OTOA: variants seen among roughly 807,000 people sequenced by gnomAD.
The protein encoded by OTOA is cancer/testis antigen 108.
OTOA carries 70 observed loss-of-function variants against 110.8 expected under a neutral mutation model. The ratio of observed to expected loss-of-function variants is 0.63; its 90% CI spans 0.52 to 0.77. The LOEUF (loss-of-function observed/expected upper bound fraction) is 0.77. OTOA is among the 30% of genes least tolerant of loss of function. OTOA has a pLI of 0.00. For synonymous variants in OTOA, 373 were observed against 431.5 expected (o/e 0.86, Z 1.68); for missense variants, 917 against 1,075.8 (o/e 0.85, Z 2.06).
intron 1 of OTOA, among the ~76,000 whole-genome samples, chr16:21,665,171 G>A: frequency 6.6e-6 from 1 of 152,014 alleles, no homozygotes; most frequent in South Asian, 2.1e-4. Context: ...TTATCCCTGG[G>A]GTGGCACCTG....
chr16:21,703,884 C>T (rs1898102064), intron 11 of OTOA, among the ~76,000 whole-genome samples: 1 of 152,130 alleles, frequency 6.6e-6, no homozygotes, highest in African/African-American at 2.4e-5. Context: ...CACAATCATC[C>T]TCTTTCTTTC....
intron 21 of OTOA, 45 bp downstream of exon 21, chr16:21,730,975 GGA>G: frequency 8.8e-7 from 1 of 1,137,020 alleles, no homozygotes; most frequent in Non-Finnish European, 1.3e-6. Flanking sequence ...AGTTTGAAGG[GGA>G]GAGAAAGTGT....
intron 1 of OTOA, among the ~76,000 whole-genome samples, chr16:21,673,406 T>C (rs1348408908): frequency 1.3e-5 from 2 of 152,184 alleles, no homozygotes; most frequent in African/African-American, 2.4e-5. Context: ...TCAGCTACCC[T>C]AATCAGGACC....
At position 21,705,274 on chromosome 16, in the gene OTOA, C is replaced by T. The variant is rs761277814; in HGVS notation, c.1086C>T (p.Phe362=). The T allele has an allele frequency of 2.2e-5, 36 of 1,613,884 alleles. No homozygotes were observed. Among genetic ancestry groups the T allele is most frequent in the Middle Eastern group, 1.7e-4 (1 of 5,980 alleles). The change falls in exon 12 of 29, where the codon TTC becomes TTT. Residue 362 remains phenylalanine (F), a synonymous_variant. Coordinates refer to ENST00000646100, the MANE Select transcript of OTOA (RefSeq NM_144672.4). Reference sequence around the variant, plus strand: ...TCAAGTGCAGCCACCTGAGGGGCTTCCAGGCTGGCGTCCAGAAGGTACAGC... The same window carrying T: ...TCAAGTGCAGCCACCTGAGGGGCTTTCAGGCTGGCGTCCAGAAGGTACAGC... ...QMIKCSHLRG[F]QAGVQKLKAE...
intron 13 of OTOA, 63 bp downstream of exon 13, chr16:21,710,166 C>A: frequency 1.4e-6 from 2 of 1,431,316 alleles, no homozygotes; most frequent in Non-Finnish European, 9.6e-7. Flanking sequence ...TTAGACCTGC[C>A]AGGCTGCCAT....
chr16:21,695,561 G>A (rs1897915554), intron 9 of OTOA, among the ~76,000 whole-genome samples: 1 of 151,962 alleles, frequency 6.6e-6, no homozygotes, highest in Non-Finnish European at 1.5e-5. Context: ...GATCGTAGGA[G>A]TCTGCCTGTG....
chr16:21,718,253 C>T (rs1486787681), intron 15 of OTOA, among the ~76,000 whole-genome samples: 1 of 152,148 alleles, frequency 6.6e-6, no homozygotes, highest in African/African-American at 2.4e-5. Flanking sequence ...CCAGGGCACC[C>T]AGCCAATAGT....
In OTOA at chr16:21,685,231, C is replaced by T. The variant is rs1162683061; in HGVS notation, c.269C>T (p.Ala90Val). The T allele has an allele frequency of 1.2e-6, 2 of 1,611,740 alleles. No homozygotes were observed. Among genetic ancestry groups the T allele is most frequent in the Non-Finnish European group, 1.7e-6 (2 of 1,178,654 alleles). Reference sequence around the variant, plus strand: ...ACTCTCCCAACACCCCAAATACAGGCAGCCGTGGAAAACCACCTGGAGCAG... The same window carrying T: ...ACTCTCCCAACACCCCAAATACAGGTAGCCGTGGAAAACCACCTGGAGCAG... ...NVAFTIPSLQ[A>V]AVENHLEQRL... Residue 90 changes from alanine (A) to valine (V), a missense_variant and splice_region_variant, in exon 7 of 29, where the codon GCA (alanine) becomes GTA (valine). By Grantham distance (64) the Ala-to-Val change is moderately conservative. This residue lies in a region of OTOA where 840 missense variants were observed against 910.2 expected (regional missense o/e 0.92). Coordinates refer to ENST00000646100, the MANE Select transcript of OTOA (RefSeq NM_144672.4).
intron 8 of OTOA, among the ~76,000 whole-genome samples, chr16:21,690,596 G>A (rs1050853668): frequency 3.9e-5 from 6 of 151,906 alleles, no homozygotes; most frequent in African/African-American, 1.5e-4. Flanking sequence ...GTCTATTATT[G>A]ATGGGCATTT....
chr16:21,691,621 G>A lies in OTOA; in HGVS notation c.673G>A (p.Ala225Thr), dbSNP rs763421948. 3.1e-6 allele frequency: 5 copies of A among 1,613,792 alleles called. No individual in the cohort carries two copies. The highest frequency in any genetic ancestry group is 2.7e-5 in the African/African-American group (2 of 74,864). The part of the protein sequence containing the change: ...VFKDLYDKTS[A>T]HSQRALYSWM... Reference sequence around the variant, plus strand: ...CAAAGATCTCTACGACAAAACCTCGGCTCATTCCCAGAGAGCTCTCTATTC... The same window carrying A: ...CAAAGATCTCTACGACAAAACCTCGACTCATTCCCAGAGAGCTCTCTATTC... The change falls in exon 9 of 29, where the codon GCT becomes ACT. Residue 225 changes from alanine to threonine, a missense_variant. Physicochemically the swap from Ala to Thr is moderately conservative, Grantham distance 58. Around this residue, in one of 6 missense-constraint regions of OTOA, gnomAD observed 840 missense variants for 910.2 expected, o/e 0.92. Coordinates refer to ENST00000646100, the MANE Select transcript of OTOA (RefSeq NM_144672.4).
rs1293459810 is a variant in OTOA, at chr16:21,751,473, C to T, written c.2776-462C>T. 1.0e-4 allele frequency among the ~76,000 whole-genome samples: 7 copies of T among 67,548 alleles called. 1 individual carries two copies. 44.3% of individuals were successfully genotyped at this position (67,548 alleles called of 152,430 possible). ...CTGGGGAGGTGGAGGTTGCAGCGAG[C>T]TGTGCCACTGCACTCCAGCCTGGGT... On this transcript the variant is annotated intron_variant, in intron 24 of 28. Coordinates refer to ENST00000646100, the MANE Select transcript of OTOA (RefSeq NM_144672.4).
In OTOA at chr16:21,734,986, A is replaced by C. The variant is rs546324622; in HGVS notation, c.2302-1275A>C. Among the ~76,000 whole-genome samples the C allele has an allele frequency of 2.2e-4, 33 of 152,046 alleles. No homozygotes were observed. The South Asian group carries it at 5.8e-3, about 27-fold the overall frequency. ...AAACCTTGTCTACAATAAAAATAAA[A>C]AAAAATTAGCCTGGCTTGGTGCTGC... On this transcript the variant is annotated intron_variant, in intron 21 of 28. Transcript: ENST00000646100.
At chr16:21,709,821 G>T in intron 12 of OTOA, 67 bp from the exon 13 acceptor site, 3 of 1,385,134 alleles carry the variant, frequency 2.2e-6, no homozygotes, top group Non-Finnish European at 3.1e-6. Context: ...AATAGCCCTG[G>T]ATATGGTCAG....
intron 18 of OTOA, among the ~76,000 whole-genome samples, chr16:21,724,739 G>T (rs186467006): frequency 6.6e-6 from 1 of 152,040 alleles, no homozygotes; most frequent in East Asian, 1.9e-4. Context: ...CTTTTACAGA[G>T]CCATTTTATT....
intron 8 of OTOA, 69 bp from the exon 9 acceptor site, chr16:21,691,515 T>A: frequency 7.6e-7 from 1 of 1,321,264 alleles, no homozygotes; most frequent in Non-Finnish European, 1.1e-6. Context: ...CATTTGCTGT[T>A]GTGACTCCCT....
chr16:21,719,327 T>TCTTTCTTTCCTCTCCTCCTCA, intron 16 of OTOA, 60 bp from the exon 17 acceptor site: 1 of 1,575,914 alleles, frequency 6.3e-7, no homozygotes, highest in African/African-American at 1.4e-5. Flanking sequence ...CTTCTCTCGC[T>TCTTTCTTTCCTCTCCTCCTCA]CTTTCTTTCC....
At position 21,697,837 on chromosome 16, in the gene OTOA, C is replaced by T; in HGVS notation, c.802C>T (p.Leu268=). 1.2e-6 allele frequency: 2 copies of T among 1,614,054 alleles called. No homozygotes were observed. The highest frequency in any genetic ancestry group is 1.7e-6 in the Non-Finnish European group (2 of 1,179,986). ...LWVLGRYMVH[L]SFEEITKISP... is the part of the protein sequence containing the mutation. Reference sequence around the variant, plus strand: ...GGTTTTGGGCAGATACATGGTTCACCTATCGTTTGAAGAAATTACGAAAAT... The same window carrying T: ...GGTTTTGGGCAGATACATGGTTCACTTATCGTTTGAAGAAATTACGAAAAT... The change falls in exon 10 of 29, where the codon CTA becomes TTA. Residue 268 remains leucine (L), a synonymous_variant. Transcript: ENST00000646100.
At chr16:21,727,011 AG>A in intron 19 of OTOA, 3 of 184,184 alleles carry the variant, frequency 1.6e-5, no homozygotes, top group Non-Finnish European at 2.1e-5. Flanking sequence ...TCCCCCTTAG[AG>A]TTTTTTTTTT....
At chr16:21,709,811 A>T in intron 12 of OTOA, 77 bp from the exon 13 acceptor site, 1 of 1,302,432 alleles carries the variant, frequency 7.7e-7, no homozygotes, top group Non-Finnish European at 1.1e-6. Flanking sequence ...GTGGAGTCCT[A>T]ATAGCCCTGG....
Sources: gnomAD v4.1 joint callset for allele counts (sites outside exome capture counted in the v4.1 genomes callset) on GRCh38, gnomAD v4.1.1 for gene constraint, gnomAD v4.1.1 regional missense constraint, MANE v1.5 for transcripts, NCBI Gene and HGNC (gene_info 2026-07-23, HGNC 2026-07-21) for gene names.